The following ZNF44 variants were observed in gnomAD, a reference collection of about 807,000 sequenced individuals.
The protein encoded by ZNF44 is zinc finger protein 44, also known as gonadotropin inducible transcription repressor-2.
Under a neutral mutation model 11.7 loss-of-function variants are expected in ZNF44, and 9 were observed. That is an observed-to-expected ratio of 0.77 (90% CI 0.46 to 1.35). The LOEUF (loss-of-function observed/expected upper bound fraction) is 1.35, where lower values mean the gene tolerates loss of function less well. Ranked by LOEUF, ZNF44 falls within the 40% of genes most tolerant of loss-of-function variation. ZNF44 has a pLI of 0.00. For synonymous variants in ZNF44, 224 were observed against 242.7 expected, an observed-to-expected ratio of 0.92 and a Z score of 0.72; for missense variants, 696 against 743.1, an observed-to-expected ratio of 0.94 and a Z score of 0.74.
intron 1 of ZNF44, chr19:12,291,137 A>G (rs1967990685): frequency 2.6e-6 from 1 of 389,154 alleles, no homozygotes; most frequent in Admixed American, 3.7e-5. Flanking sequence ...TTTAGTAAAC[A>G]AAGGATATTT....
chr19:12,271,037 GTGA>G (rs112180662), downstream of ZNF44, among the ~76,000 whole-genome samples: 1,582 of 151,134 alleles, frequency 0.01, 9 homozygotes, highest in African/African-American at 0.013. Flanking sequence ...TCCTCTACAA[GTGA>G]TGATGATGAT....
intron 3 of ZNF44, among the ~76,000 whole-genome samples, chr19:12,230,164 G>A (rs1916097924): frequency 6.6e-6 from 1 of 152,200 alleles, no homozygotes; most frequent in Non-Finnish European, 1.5e-5. Flanking sequence ...CTTAAGCCAA[G>A]TTTGGCGAGG....
chr19:12,280,510 C>A (rs1192066688), intron 1 of ZNF44, among the ~76,000 whole-genome samples: 1 of 151,528 alleles, frequency 6.6e-6, no homozygotes, highest in Admixed American at 6.6e-5. Context: ...GAATGCTCAG[C>A]TAAAAGGAAA....
At chr19:12,266,484 T>C (rs893424838) in intron 5 of ZNF44, among the ~76,000 whole-genome samples, 27 of 152,104 alleles carry the variant, frequency 1.8e-4, no homozygotes, top group African/African-American at 6.0e-4. Context: ...GCACGCCTGA[T>C]TGGACTGTTG....
chr19:12,275,633 A>G (rs2438530), intron 2 of ZNF44, among the ~76,000 whole-genome samples: 60,212 of 151,914 alleles, frequency 0.4, 13,373 homozygotes, highest in African/African-American at 0.62. Context: ...GCGACAGAGC[A>G]AGACTCCATC....
At chr19:12,265,292 G>A (rs538861431) in intron 5 of ZNF44, among the ~76,000 whole-genome samples, 2 of 152,058 alleles carry the variant, frequency 1.3e-5, no homozygotes, top group Admixed American at 6.6e-5. Flanking sequence ...GGCTGAAGTG[G>A]GAAGATCGGT....
chr19:12,235,339 G>C lies in ZNF44; in HGVS notation n.139-431C>G, dbSNP rs534117438. On this transcript the variant is annotated intron_variant and non_coding_transcript_variant, in intron 1 of 3. Coordinates refer to the ZNF44 transcript ENST00000597563. ...AGCCGAGATCGCGCCACTGCAGTCC[G>C]ACCTGGGCGAAAGAGCGAGACTCCG... is the stretch of plus-strand genomic sequence containing the variant. 8.5e-5 allele frequency among the ~76,000 whole-genome samples: 13 copies of C among 152,220 alleles called. No homozygotes were observed. The South Asian group carries it at 2.7e-3, about 32-fold the overall frequency.
chr19:12,274,508 C>T (rs1000545521), intron 3 of ZNF44, among the ~76,000 whole-genome samples: 10 of 151,450 alleles, frequency 6.6e-5, no homozygotes, highest in South Asian at 2.1e-4. Flanking sequence ...CTCCTGACCT[C>T]GTGGATCCAC....
downstream of ZNF44, among the ~76,000 whole-genome samples, chr19:12,245,556 G>A (rs1416265549): frequency 6.6e-6 from 1 of 152,192 alleles, no homozygotes; most frequent in Non-Finnish European, 1.5e-5. Context: ...AAGCCCCCAT[G>A]TTGTTCTATG....
chr19:12,239,270 T>C (rs922008163), upstream of ZNF44, among the ~76,000 whole-genome samples: 8 of 151,662 alleles, frequency 5.3e-5, no homozygotes, highest in Non-Finnish European at 1.0e-4. Context: ...CACACCACCA[T>C]GCCCAGCTAA....
chr19:12,288,774 G>GTATATGTATATATATATATA (rs1413658227), intron 1 of ZNF44, among the ~76,000 whole-genome samples: 3 of 76,840 alleles, frequency 3.9e-5, no homozygotes, highest in Non-Finnish European at 4.3e-5. Context: ...AAAAAAAAAT[G>GTATATGTATATATATATATA]TATATATATA....
At position 12,272,978 on chromosome 19, in the gene ZNF44, C is replaced by T; in HGVS notation, c.1277G>A (p.Cys426Tyr). 1 of 1,614,058 alleles carries T rather than the reference C, an allele frequency of 6.2e-7. No homozygotes were observed. Among genetic ancestry groups the T allele is most frequent in the South Asian group, 1.1e-5 (1 of 91,078 alleles). Residue 426 changes from cysteine (C) to tyrosine (Y), a missense_variant, in exon 4 of 4, where the codon TGT (cysteine) becomes TAT (tyrosine). Cys to Tyr is a radical substitution (Grantham distance 194). Coordinates refer to ENST00000355684, the MANE Select transcript of ZNF44 (RefSeq NM_016264.4). ...TGEKPYECKQ[C>Y]GKAFRTSSSL... ...ACTGGAAGTACGGAAGGCTTTCCCA[C>T]ATTGCTTGCATTCATAGGGTTTCTC...
At chr19:12,248,393 A>C in exon 8 of ZNF44, 1 of 1,291,022 alleles carries the variant, frequency 7.7e-7, no homozygotes, top group African/African-American at 1.5e-5. Flanking sequence ...GTGTTCTTTT[A>C]TGTTTTTTAA....
In ZNF44 at chr19:12,273,965, G is replaced by C. The variant is rs1319007963; in HGVS notation, c.290C>G (p.Pro97Arg). The C allele has an allele frequency of 6.2e-7, 1 of 1,614,058 alleles. No homozygotes were observed. The highest frequency in any genetic ancestry group is 1.7e-5 in the Admixed American group (1 of 59,994). The change falls in exon 4 of 4, where the codon CCC (proline) becomes CGC (arginine). Residue 97 changes from proline to arginine, a missense_variant. Transcript: ENST00000355684. Reference protein sequence around the residue: ...IRNSIVNKNTPARVDACGSSV... With the variant: ...IRNSIVNKNTRARVDACGSSV... ...GCTTCCACATGCATCTACTCTGGCG[G>C]GAGTGTTCTTGTTTACAATACTATT...
downstream of ZNF44, among the ~76,000 whole-genome samples, chr19:12,268,755 T>G (rs1409815915): frequency 2.0e-5 from 3 of 151,584 alleles, no homozygotes; most frequent in African/African-American, 7.3e-5. Context: ...TTTTTTTTTT[T>G]TTTTCTGAGA....
Position 12,277,818 on chromosome 19 carries a change from C to T in ZNF44, c.4-1736G>A, listed in dbSNP as rs953425037. Reference sequence around the variant, plus strand: ...TTTTTGAATCAGTCTGGGGACTAACCGAAGGTCTGAAACAAGGCTCTCTTT... The same window carrying T: ...TTTTTGAATCAGTCTGGGGACTAACTGAAGGTCTGAAACAAGGCTCTCTTT... On this transcript the variant is annotated intron_variant, in intron 1 of 3. Coordinates refer to ENST00000355684, the MANE Select transcript of ZNF44 (RefSeq NM_016264.4). 3.3e-5 allele frequency among the ~76,000 whole-genome samples: 5 copies of T among 152,136 alleles called. No homozygotes were observed. In the East Asian group the frequency reaches 5.8e-4, roughly 18 times the overall value.
exon 8 of ZNF44, chr19:12,248,052 C>A (rs993967911): frequency 1.5e-6 from 2 of 1,334,044 alleles, no homozygotes; most frequent in Non-Finnish European, 2.0e-6. Flanking sequence ...AGTGTGAGTT[C>A]TTTCATGTGC....
intron 5 of ZNF44, among the ~76,000 whole-genome samples, chr19:12,255,264 T>C (rs1398675697): frequency 6.6e-6 from 1 of 151,388 alleles, no homozygotes; most frequent in Non-Finnish European, 1.5e-5. Context: ...AAAAGCAAAT[T>C]AAAACCATAG....
chr19:12,229,099 AT>A (rs932627839), intron 3 of ZNF44, among the ~76,000 whole-genome samples: 2 of 151,898 alleles, frequency 1.3e-5, no homozygotes, highest in African/African-American at 2.4e-5. Context: ...TTAAGCACTT[AT>A]TTTTTTTGCC....
Sources: allele counts gnomAD v4.1 joint callset (sites outside exome capture counted in the v4.1 genomes callset), GRCh38; gene constraint gnomAD v4.1.1; transcripts MANE v1.5; gene names NCBI Gene and HGNC (gene_info 2026-07-23, HGNC 2026-07-21).